Variants in SNTG1 observed in about 807,000 individuals in gnomAD.
The protein encoded by SNTG1 is gamma-1-syntrophin.
SNTG1 carries 39 observed loss-of-function variants against 74.7 expected under a neutral mutation model. The ratio of observed to expected loss-of-function variants is 0.52; its 90% CI spans 0.40 to 0.68. The LOEUF is 0.68. Ranked by LOEUF, SNTG1 falls within the 30% of genes least tolerant of loss-of-function variation. The pLI is 0.00. For missense variants in SNTG1, 685 were observed against 609.5 expected (o/e 1.12, Z -1.30); for synonymous variants, 254 against 217.1 (o/e 1.17, Z -1.49).
chr8:50,699,262 T>G (rs1412188072), intron 15 of SNTG1, among the ~76,000 whole-genome samples: 1 of 152,094 alleles, frequency 6.6e-6, no homozygotes, highest in Non-Finnish European at 1.5e-5. Flanking sequence ...CACATTCTTG[T>G]GAGGATCTTA....
intron 1 of SNTG1, among the ~76,000 whole-genome samples, chr8:50,091,840 T>A (rs570857029): frequency 6.6e-6 from 1 of 152,074 alleles, no homozygotes; most frequent in African/African-American, 2.4e-5. Flanking sequence ...TTTTCTCCTA[T>A]TTGATGGTCT....
intron 18 of SNTG1, among the ~76,000 whole-genome samples, chr8:50,778,662 A>T (rs2095648696): frequency 2.3e-5 from 3 of 127,944 alleles, no homozygotes; most frequent in East Asian, 4.6e-4. Flanking sequence ...TTGCCTGTTC[A>T]CTCTGATGGT....
intron 1 of SNTG1, among the ~76,000 whole-genome samples, chr8:50,155,065 T>G (rs1469638250): frequency 6.6e-6 from 1 of 152,346 alleles, no homozygotes; most frequent in East Asian, 1.9e-4. Flanking sequence ...AATTTTAAAA[T>G]AGCTTGTGAA....
rs1188839298 is a variant in SNTG1, at chr8:50,181,695, AATG to A, written c.-28+9065_-28+9067del. ...GTGTAATTGCTAGTATGCATAGAAA[AATG>A]ATGAGAAAATGAAGCAAAATTTAAT... On this transcript the variant is annotated intron_variant, in intron 2 of 18. Transcript: ENST00000642720. Among the ~76,000 whole-genome samples the A allele has an allele frequency of 3.9e-5, 6 of 152,300 alleles. No homozygotes were observed. In the South Asian group the frequency reaches 1.2e-3, roughly 32 times the overall value.
intron 2 of SNTG1, among the ~76,000 whole-genome samples, chr8:50,289,941 A>T (rs930559592): frequency 6.6e-6 from 1 of 152,182 alleles, no homozygotes; most frequent in Non-Finnish European, 1.5e-5. Context: ...GCAGAATGTC[A>T]TCACAGAATT....
chr8:50,154,500 A>C (rs1004843288), intron 1 of SNTG1, among the ~76,000 whole-genome samples: 1 of 152,094 alleles, frequency 6.6e-6, no homozygotes, highest in Non-Finnish European at 1.5e-5. Context: ...AAGTGCAGAA[A>C]TCACCTGTCT....
At chr8:50,271,603 GC>G (rs1310561666) in intron 2 of SNTG1, among the ~76,000 whole-genome samples, 1 of 152,006 alleles carries the variant, frequency 6.6e-6, no homozygotes. Flanking sequence ...AAATTATCAG[GC>G]AAAAAATTAA....
intron 1 of SNTG1, among the ~76,000 whole-genome samples, chr8:50,028,636 T>C (rs907699123): frequency 3.3e-5 from 5 of 151,852 alleles, no homozygotes; most frequent in African/African-American, 1.2e-4. Flanking sequence ...ATATACCTAA[T>C]GCTAGATGAC....
intron 17 of SNTG1, among the ~76,000 whole-genome samples, chr8:50,751,095 TA>T (rs1009713973): frequency 4.1e-4 from 62 of 152,042 alleles, no homozygotes; most frequent in Non-Finnish European, 7.6e-4. Flanking sequence ...AGAAATCATT[TA>T]AAAAATATTT....
chr8:50,282,781 A>AAAAT (rs59187231), intron 2 of SNTG1, among the ~76,000 whole-genome samples: 224 of 152,226 alleles, frequency 1.5e-3, no homozygotes, highest in Non-Finnish European at 2.5e-3. Context: ...AAAAAAAGGA[A>AAAAT]AAATAAATAA....
chr8:49,948,341 T>C (rs982416861), intron 1 of SNTG1, among the ~76,000 whole-genome samples: 1 of 152,154 alleles, frequency 6.6e-6, no homozygotes, highest in African/African-American at 2.4e-5. Flanking sequence ...TTATCATGGG[T>C]TATTTTACTG....
intron 1 of SNTG1, among the ~76,000 whole-genome samples, chr8:49,936,155 G>A (rs1808063477): frequency 6.6e-6 from 1 of 152,126 alleles, no homozygotes; most frequent in South Asian, 2.1e-4. Flanking sequence ...GCAAACTAGT[G>A]GATATAATTT....
At chr8:50,484,276 C>G (rs2093770866) in intron 8 of SNTG1, among the ~76,000 whole-genome samples, 1 of 149,476 alleles carries the variant, frequency 6.7e-6, no homozygotes, top group Non-Finnish European at 1.5e-5. Flanking sequence ...AGAGCAATGG[C>G]ACAGTCTCAG....
intron 8 of SNTG1, among the ~76,000 whole-genome samples, chr8:50,486,821 T>A (rs1276497834): frequency 6.6e-6 from 1 of 152,070 alleles, no homozygotes; most frequent in Non-Finnish European, 1.5e-5. Context: ...TTGAAATATG[T>A]CCCATCAATA....
At chr8:50,785,162 T>C (rs12541662) in intron 18 of SNTG1, among the ~76,000 whole-genome samples, 17,245 of 151,574 alleles carry the variant, frequency 0.11, 2,923 homozygotes, top group African/African-American at 0.37. Context: ...AAACACAAAG[T>C]AAGCAGGAAC....
intron 1 of SNTG1, among the ~76,000 whole-genome samples, chr8:50,147,802 T>A (rs2081924514): frequency 1.3e-5 from 2 of 152,188 alleles, no homozygotes; most frequent in African/African-American, 4.8e-5. Context: ...ATGCATGGGA[T>A]CTAGAAGCAC....
chr8:50,328,221 T>A (rs751953477), intron 2 of SNTG1, among the ~76,000 whole-genome samples: 17 of 152,234 alleles, frequency 1.1e-4, no homozygotes, highest in Non-Finnish European at 2.4e-4. Flanking sequence ...ACAGGGCTAT[T>A]GGCAACAAAT....
chr8:50,674,010 A>C (rs1359742634), intron 15 of SNTG1, among the ~76,000 whole-genome samples: 1 of 152,192 alleles, frequency 6.6e-6, no homozygotes, highest in East Asian at 1.9e-4. Context: ...CCAGCTTTGC[A>C]TCCCAGGGAT....
At chr8:50,522,231 T>A (rs2094185353) in intron 9 of SNTG1, among the ~76,000 whole-genome samples, 1 of 152,144 alleles carries the variant, frequency 6.6e-6, no homozygotes, top group South Asian at 2.1e-4. Context: ...TTCATCTTCA[T>A]CAGTAGTCTT....
Sources: allele counts gnomAD v4.1 joint callset (sites outside exome capture counted in the v4.1 genomes callset), GRCh38; gene constraint gnomAD v4.1.1; transcripts MANE v1.5; gene names NCBI Gene and HGNC (gene_info 2026-07-23, HGNC 2026-07-21).